SQOR: variants seen among roughly 807,000 people sequenced by gnomAD.
SQOR encodes the protein sulfide quinone oxidoreductase.
Under a neutral mutation model 48.6 loss-of-function variants are expected in SQOR, and 39 were observed. The ratio of observed to expected loss-of-function variants is 0.80; its 90% CI spans 0.62 to 1.05. The LOEUF (loss-of-function observed/expected upper bound fraction) is 1.05, where lower values mean the gene tolerates loss of function less well. Ranked by LOEUF, SQOR falls within the 50% of genes least tolerant of loss-of-function variation. The probability of loss-of-function intolerance (pLI) is 0.00; values close to 1 mark genes in which losing one functional copy is unlikely to be tolerated. For synonymous variants in SQOR, 220 were observed against 206.2 expected (o/e 1.07, Z -0.57); for missense variants, 561 against 559.9 (o/e 1.00, Z -0.02).
chr15:45,681,749 CAA>C (rs996942335), intron 6 of SQOR, among the ~76,000 whole-genome samples: 2 of 151,904 alleles, frequency 1.3e-5, no homozygotes, highest in Non-Finnish European at 2.9e-5. Context: ...ATTACATAAA[CAA>C]AAAAATTAAA....
intron 2 of SQOR, among the ~76,000 whole-genome samples, chr15:45,660,912 T>A (rs987105407): frequency 1.3e-5 from 2 of 152,092 alleles, no homozygotes; most frequent in Non-Finnish European, 2.9e-5. Context: ...TCTAAGTGGA[T>A]TGGAATTCTT....
intron 7 of SQOR, among the ~76,000 whole-genome samples, chr15:45,687,710 T>C (rs1890248026): frequency 6.6e-6 from 1 of 151,744 alleles, no homozygotes; most frequent in South Asian, 2.1e-4. Flanking sequence ...CAAATCCCGA[T>C]GTATGTATGT....
intron 7 of SQOR, among the ~76,000 whole-genome samples, 168 bp from the exon 8 acceptor site, chr15:45,688,169 A>AC (rs1020049695): frequency 5.9e-5 from 9 of 151,736 alleles, no homozygotes; most frequent in African/African-American, 2.2e-4. Flanking sequence ...GAATTAAAGA[A>AC]CCCCCTCCGG....
At chr15:45,651,218 G>T (rs928144933) in intron 1 of SQOR, among the ~76,000 whole-genome samples, 1 of 152,210 alleles carries the variant, frequency 6.6e-6, no homozygotes, top group African/African-American at 2.4e-5. Context: ...ACTGCTGGGG[G>T]ACCTGGTGCA....
At chr15:45,672,177 G>A (rs368310671) in intron 4 of SQOR, among the ~76,000 whole-genome samples, 8 of 152,050 alleles carry the variant, frequency 5.3e-5, no homozygotes, top group African/African-American at 1.9e-4. Flanking sequence ...GAACTAGAAG[G>A]TATGGCGGTC....
intron 1 of SQOR, among the ~76,000 whole-genome samples, chr15:45,650,464 C>T (rs1055693160): frequency 6.6e-6 from 1 of 152,208 alleles, no homozygotes; most frequent in Non-Finnish European, 1.5e-5. Context: ...GTGAGTGTTA[C>T]AGCACATAAG....
At chr15:45,651,779 AGT>A (rs1305282749) in intron 1 of SQOR, among the ~76,000 whole-genome samples, 1 of 151,522 alleles carries the variant, frequency 6.6e-6, no homozygotes, top group Non-Finnish European at 1.5e-5. Context: ...TTGATTTTTA[AGT>A]GTATTTCATC....
In SQOR at chr15:45,646,981, A is replaced by C. The variant is rs1289176419; in HGVS notation, c.-18+11873A>C. Among the ~76,000 whole-genome samples the C allele has an allele frequency of 2.0e-5, 3 of 152,172 alleles. No individual in the cohort carries two copies. The East Asian group carries it at 5.8e-4, about 29-fold the overall frequency. ...AACTTAATTTCTTTCTTTTCAGTTT[A>C]TTTAGTAAGCTAAAATTTAGTAACA... On this transcript the variant is annotated intron_variant, in intron 1 of 9. Coordinates refer to ENST00000260324, the MANE Select transcript of SQOR (RefSeq NM_021199.4).
chr15:45,681,924 T>C (rs1268663088), intron 6 of SQOR, among the ~76,000 whole-genome samples: 11 of 152,222 alleles, frequency 7.2e-5, no homozygotes, highest in Non-Finnish European at 1.6e-4. Context: ...CTAATATTTT[T>C]ACCACCCCTT....
chr15:45,676,368 A>T, intron 6 of SQOR, 58 bp downstream of exon 6: 3 of 1,532,290 alleles, frequency 2.0e-6, no homozygotes, highest in South Asian at 1.2e-5. Context: ...CGTGCCATAG[A>T]TACATGGGGG....
At position 45,682,502 on chromosome 15, in the gene SQOR, C is replaced by G; in HGVS notation, c.889C>G (p.Pro297Ala). The change falls in exon 7 of 10, where the codon CCA becomes GCA. Residue 297 changes from proline to alanine, a missense_variant. Transcript: ENST00000260324. ...GTATGAAATGCTTCATGTCACACCT[C>G]CAATGAGCCCACCAGATGTCCTCAA... is the stretch of plus-strand genomic sequence containing the variant. The part of the protein sequence containing the change: ...ISYEMLHVTP[P>A]MSPPDVLKTS... The G allele has an allele frequency of 6.2e-7, 1 of 1,614,150 alleles. No individual in the cohort carries two copies. The highest frequency in any genetic ancestry group is 8.5e-7 in the Non-Finnish European group (1 of 1,180,008).
chr15:45,689,350 T>C, intron 9 of SQOR, 133 bp downstream of exon 9: 1 of 733,064 alleles, frequency 1.4e-6, no homozygotes, highest in Non-Finnish European at 2.2e-6. Context: ...GGCCCTCTTT[T>C]GCTGCTGGAT....
intron 1 of SQOR, among the ~76,000 whole-genome samples, chr15:45,646,805 C>T (rs778703517): frequency 2.0e-5 from 3 of 152,090 alleles, no homozygotes; most frequent in Non-Finnish European, 4.4e-5. Context: ...GTTTCATCTA[C>T]ACCCCTACCC....
chr15:45,676,057 C>T (rs917190599), intron 5 of SQOR, 44 bp from the exon 6 acceptor site: 3 of 1,528,106 alleles, frequency 2.0e-6, no homozygotes, highest in African/African-American at 2.8e-5. Flanking sequence ...AAAAAGGCAG[C>T]TGCAGTCATG....
At chr15:45,665,879 C>T (rs1184542462) in intron 3 of SQOR, among the ~76,000 whole-genome samples, 1 of 152,196 alleles carries the variant, frequency 6.6e-6, no homozygotes, top group African/African-American at 2.4e-5. Flanking sequence ...CCACCGTGCC[C>T]AGCCCATTCC....
chr15:45,638,110 T>C (rs1429609388), intron 1 of SQOR, among the ~76,000 whole-genome samples: 3 of 152,166 alleles, frequency 2.0e-5, no homozygotes, highest in East Asian at 3.8e-4. Flanking sequence ...AAGTGCTAAA[T>C]TGGGACAGGA....
Position 45,659,023 on chromosome 15 carries a change from A to G in SQOR, c.100A>G (p.Thr34Ala), listed in dbSNP as rs1239158860. ...TQQVGPLQLH[T>A]GASHAARNHY... ...GCAGGTCGGCCCCCTTCAGCTGCAC[A>G]CCGGGGCCAGCCATGCGGCCAGGAA... is the stretch of plus-strand genomic sequence containing the variant. The change falls in exon 2 of 10, where the codon ACC (threonine) becomes GCC (alanine). Residue 34 changes from threonine (T) to alanine (A), a missense_variant. Thr to Ala is a moderately conservative substitution (Grantham distance 58, BLOSUM62 0). Coordinates refer to ENST00000260324, the MANE Select transcript of SQOR (RefSeq NM_021199.4). 2.5e-6 allele frequency: 4 copies of G among 1,602,342 alleles called. No homozygotes were observed. Among genetic ancestry groups the G allele is most frequent in the Non-Finnish European group, 3.4e-6 (4 of 1,174,826 alleles).
intron 1 of SQOR, among the ~76,000 whole-genome samples, chr15:45,655,681 C>CTAT (rs541266225): frequency 1.4e-5 from 2 of 143,738 alleles, no homozygotes; most frequent in East Asian, 4.1e-4. Flanking sequence ...GAAAGTATAT[C>CTAT]TTTTTTTTTT....
At chr15:45,645,343 G>T (rs1304738170) in intron 1 of SQOR, among the ~76,000 whole-genome samples, 2 of 152,194 alleles carry the variant, frequency 1.3e-5, no homozygotes, top group Admixed American at 1.3e-4. Context: ...GTTTAAGTCA[G>T]AGGGTGTGAT....
Sources: allele counts gnomAD v4.1 joint callset (sites outside exome capture counted in the v4.1 genomes callset), GRCh38; gene constraint gnomAD v4.1.1; transcripts MANE v1.5; gene names NCBI Gene and HGNC (gene_info 2026-07-23, HGNC 2026-07-21).